The following RGS9 variants were observed in gnomAD, a reference collection of about 807,000 sequenced individuals.
RGS9 encodes the protein regulator of G protein signaling 9.
A neutral mutation model predicts 102.0 loss-of-function variants in RGS9; 78 were observed. The ratio of observed to expected loss-of-function variants is 0.76; its 90% CI spans 0.64 to 0.92. The LOEUF is 0.92. Ranked by LOEUF, RGS9 falls within the 40% of genes least tolerant of loss-of-function variation. RGS9 has a pLI of 0.00. For missense variants in RGS9, 833 were observed against 866.1 expected (o/e 0.96, Z 0.48); for synonymous variants, 353 against 318.6 (o/e 1.11, Z -1.15).
intron 11 of RGS9, among the ~76,000 whole-genome samples, chr17:65,192,352 G>A (rs894561308): frequency 3.9e-5 from 6 of 152,144 alleles, no homozygotes; most frequent in African/African-American, 1.2e-4. Context: ...GGTGGCTCAC[G>A]CCTATAATCC....
chr17:65,184,496 G>A (rs146603738), intron 9 of RGS9, among the ~76,000 whole-genome samples: 6 of 152,216 alleles, frequency 3.9e-5, no homozygotes, highest in African/African-American at 1.4e-4. Context: ...GGGACCTTAT[G>A]TCTATTATCG....
chr17:65,204,699 G>C (rs1912981982), intron 15 of RGS9, among the ~76,000 whole-genome samples: 1 of 152,204 alleles, frequency 6.6e-6, no homozygotes. Context: ...GCCCCACTCT[G>C]CAGCAGTAGA....
intron 17 of RGS9, among the ~76,000 whole-genome samples, chr17:65,221,740 C>T (rs563351914): frequency 6.6e-6 from 1 of 152,166 alleles, no homozygotes; most frequent in Non-Finnish European, 1.5e-5. Context: ...CCAACAGATT[C>T]GGGGTCTGGT....
rs988292205 is a variant in RGS9, at chr17:65,165,679, C to T, written c.501-2521C>T. Among the ~76,000 whole-genome samples the T allele has an allele frequency of 4.6e-5, 7 of 152,084 alleles. 1 individual carries two copies. The highest frequency in any genetic ancestry group is 2.1e-4 in the South Asian group (1 of 4,824). On this transcript the variant is annotated intron_variant, in intron 7 of 18. Coordinates refer to ENST00000262406, the MANE Select transcript of RGS9 (RefSeq NM_003835.4). ...CCTACCCTGGTTGAACCAAACTCAC[C>T]GTCACCTGAACCATGGCAACATCCT... is the stretch of plus-strand genomic sequence containing the variant.
rs1373984992 is a variant in RGS9, at chr17:65,200,173, A to G, written c.977-1820A>G. On this transcript the variant is annotated intron_variant, in intron 13 of 18. Transcript: ENST00000262406. ...CAGCCTCCTGAGTAGCTGGGATTAG[A>G]GGCGCCCGCCACCACGGCCGGCTAA... Among the ~76,000 whole-genome samples the G allele has an allele frequency of 2.0e-5, 3 of 152,048 alleles. No homozygotes were observed. In the South Asian group the frequency reaches 6.2e-4, roughly 32 times the overall value.
At chr17:65,216,394 C>A (rs1913523609) in intron 17 of RGS9, among the ~76,000 whole-genome samples, 1 of 152,152 alleles carries the variant, frequency 6.6e-6, no homozygotes, top group Non-Finnish European at 1.5e-5. Flanking sequence ...AATCCCAGCA[C>A]TTTGGGAGGC....
chr17:65,225,425 G>T lies in RGS9; in HGVS notation c.1831G>T (p.Val611Leu). ...PKCPAVSHGR[V>L]QPLGDVGQQL... Reference sequence around the variant, plus strand: ...GTGCCCTGCTGTGTCCCACGGGAGGGTGCAGCCCCTGGGGGACGTGGGCCA... The same window carrying T: ...GTGCCCTGCTGTGTCCCACGGGAGGTTGCAGCCCCTGGGGGACGTGGGCCA... Residue 611 changes from valine to leucine, a missense_variant, in exon 18 of 19, where the codon GTG (valine) becomes TTG (leucine). Physicochemically the swap from Val to Leu is conservative, Grantham distance 32. This residue lies in a region of RGS9 where 320 missense variants were observed against 276.8 expected (regional missense o/e 1.16). Coordinates refer to ENST00000262406, the MANE Select transcript of RGS9 (RefSeq NM_003835.4). 6.2e-7 allele frequency: 1 copy of T among 1,609,922 alleles called. No homozygotes were observed. Among genetic ancestry groups the T allele is most frequent in the Non-Finnish European group, 8.5e-7 (1 of 1,180,020 alleles).
chr17:65,173,476 T>A lies in RGS9; in HGVS notation c.583-4256T>A, dbSNP rs546825639. ...GAGCAGTTGTCACGAGTACAGGAGC[T>A]CCTTTCCTGACCTGAATGATGATGC... is the stretch of plus-strand genomic sequence containing the variant. On this transcript the variant is annotated intron_variant, in intron 8 of 18. Coordinates refer to ENST00000262406, the MANE Select transcript of RGS9 (RefSeq NM_003835.4). This position sits in a 1 kb window ranked among gnomAD's most constrained non-coding sequence, Gnocchi z 4.8. Among the ~76,000 whole-genome samples the A allele has an allele frequency of 6.6e-6, 1 of 152,120 alleles. No homozygotes were observed. The highest frequency in any genetic ancestry group is 2.1e-4 in the South Asian group (1 of 4,820).
At chr17:65,195,794 C>T (rs552962684) in intron 12 of RGS9, among the ~76,000 whole-genome samples, 3 of 152,324 alleles carry the variant, frequency 2.0e-5, no homozygotes, top group South Asian at 4.1e-4. Flanking sequence ...CCACTATCAG[C>T]GTTTTTTGAA....
At chr17:65,141,054 TGTGCGATTCCCGAG>T (rs1910139218) in intron 1 of RGS9, among the ~76,000 whole-genome samples, 4 of 152,230 alleles carry the variant, frequency 2.6e-5, no homozygotes, top group Admixed American at 1.3e-4. Context: ...GAAAGGACCG[TGTGCGATTCCCGAG>T]GTTCTCACAC....
chr17:65,199,470 A>T (rs1912730056), intron 13 of RGS9, among the ~76,000 whole-genome samples: 1 of 148,234 alleles, frequency 6.7e-6, no homozygotes. Flanking sequence ...GTTTCAGCAT[A>T]TAACAGCGCT....
chr17:65,145,082 G>A (rs1005387985), intron 1 of RGS9, among the ~76,000 whole-genome samples: 3 of 151,886 alleles, frequency 2.0e-5, no homozygotes, highest in Non-Finnish European at 2.9e-5. Flanking sequence ...TCATTTCACC[G>A]CTTTATTTTA....
intron 17 of RGS9, among the ~76,000 whole-genome samples, chr17:65,212,462 A>G (rs1913341404): frequency 6.6e-6 from 1 of 152,196 alleles, no homozygotes; most frequent in South Asian, 2.1e-4. Context: ...CCATAAGAGC[A>G]TGTGGACCAG....
intron 2 of RGS9, among the ~76,000 whole-genome samples, chr17:65,157,564 C>T (rs1040352923): frequency 2.0e-5 from 3 of 151,972 alleles, no homozygotes; most frequent in African/African-American, 7.3e-5. Flanking sequence ...GTTTTTCATG[C>T]CATTTTTTCA....
chr17:65,196,179 G>A (rs1435712241), intron 12 of RGS9, among the ~76,000 whole-genome samples: 3 of 152,250 alleles, frequency 2.0e-5, no homozygotes, highest in African/African-American at 4.8e-5. Flanking sequence ...TGGTATGTGT[G>A]TAACGCACAG....
intron 8 of RGS9, 41 bp from the exon 9 acceptor site, chr17:65,177,691 C>T (rs1911699404): frequency 6.4e-7 from 1 of 1,571,372 alleles, no homozygotes; most frequent in African/African-American, 1.3e-5. Flanking sequence ...AAACTGGAGA[C>T]TCTCCCTGTA....
chr17:65,148,116 T>A (rs1179781503), intron 1 of RGS9, among the ~76,000 whole-genome samples: 1 of 152,228 alleles, frequency 6.6e-6, no homozygotes, highest in African/African-American at 2.4e-5. Flanking sequence ...TTCTGATATT[T>A]GATCTATGAA....
At chr17:65,158,635 G>A in intron 3 of RGS9, 1 of 495,010 alleles carries the variant, frequency 2.0e-6, no homozygotes, top group East Asian at 3.9e-5. Context: ...TGAAAGAAGT[G>A]ATGCTTGTGA....
intron 9 of RGS9, among the ~76,000 whole-genome samples, chr17:65,188,249 A>G (rs917110500): frequency 6.6e-6 from 1 of 152,198 alleles, no homozygotes; most frequent in Non-Finnish European, 1.5e-5. Flanking sequence ...AAGAGCCTGA[A>G]CATGAAGCCC....
Sources: gnomAD v4.1 joint callset for allele counts (sites outside exome capture counted in the v4.1 genomes callset) on GRCh38, gnomAD v4.1.1 for gene constraint, gnomAD v4.1.1 regional missense constraint, Gnocchi (gnomAD v3.1) non-coding constraint, MANE v1.5 for transcripts, NCBI Gene and HGNC (gene_info 2026-07-23, HGNC 2026-07-21) for gene names.